Variants in GRB10 observed in about 807,000 individuals in gnomAD.
The protein encoded by GRB10 is growth factor receptor-bound protein 10.
Under a neutral mutation model 80.9 loss-of-function variants are expected in GRB10, and 20 were observed. That is an observed-to-expected ratio of 0.25 (90% CI 0.17 to 0.36). The LOEUF is 0.36. Among genes scored for constraint, GRB10 ranks in the 10% least tolerant of loss-of-function variants. The pLI is 1.00. For synonymous variants in GRB10, 291 were observed against 291.5 expected (o/e 1.00, Z 0.02); for missense variants, 548 against 747.7 (o/e 0.73, Z 3.12).
intron 7 of GRB10, among the ~76,000 whole-genome samples, chr7:50,659,909 A>G (rs888868150): frequency 3.3e-5 from 5 of 152,214 alleles, no homozygotes; most frequent in Non-Finnish European, 7.3e-5. Flanking sequence ...ACTGAAATGC[A>G]TTTCTGTCGT....
rs116488478 is a variant in GRB10, at chr7:50,623,488, C to T, written c.661+3334G>A. Among the ~76,000 whole-genome samples the T allele has an allele frequency of 7.9e-3, 1,207 of 152,268 alleles. 13 individuals carry two copies. Among genetic ancestry groups the T allele is most frequent in the African/African-American group, 0.021 (863 of 41,542 alleles). On this transcript the variant is annotated intron_variant, in intron 8 of 18. Coordinates refer to ENST00000401949, the MANE Select transcript of GRB10 (RefSeq NM_001350814.2). ...GCTTATCCACAAGCGCAGCACAGAG[C>T]GGGCAGGAAAAACCACCCTCAGCGA...
chr7:50,783,745 G>C (rs571765649), upstream of GRB10, among the ~76,000 whole-genome samples: 3 of 152,210 alleles, frequency 2.0e-5, no homozygotes, highest in Non-Finnish European at 4.4e-5. Context: ...ACAGTCAACA[G>C]TGGACAATGG....
intron 3 of GRB10, among the ~76,000 whole-genome samples, chr7:50,733,539 G>C (rs1259532868): frequency 6.6e-6 from 1 of 152,180 alleles, no homozygotes; most frequent in East Asian, 1.9e-4. Context: ...AGAACACTTT[G>C]CTGGGGCTGA....
chr7:50,718,701 G>A (rs140459445), intron 4 of GRB10, among the ~76,000 whole-genome samples: 65 of 152,228 alleles, frequency 4.3e-4, no homozygotes, highest in African/African-American at 1.5e-3. Flanking sequence ...TTAACACCCA[G>A]TTCACCAGGA....
chr7:50,752,637 C>A (rs898714378), intron 3 of GRB10, among the ~76,000 whole-genome samples: 3 of 152,170 alleles, frequency 2.0e-5, no homozygotes, highest in Non-Finnish European at 4.4e-5. Context: ...CAAGGGTGAG[C>A]AGGGCCATGA....
chr7:50,598,418 G>C (rs1479312292), intron 17 of GRB10, among the ~76,000 whole-genome samples: 1 of 152,130 alleles, frequency 6.6e-6, no homozygotes, highest in Non-Finnish European at 1.5e-5. Flanking sequence ...GCAAGAACCA[G>C]GTAAGTTCTT....
chr7:50,683,475 G>A (rs1006839291), intron 5 of GRB10, among the ~76,000 whole-genome samples: 10 of 152,336 alleles, frequency 6.6e-5, no homozygotes, highest in African/African-American at 1.9e-4. Context: ...AGTGGCTCAC[G>A]CCTGTAATCC....
intron 7 of GRB10, among the ~76,000 whole-genome samples, chr7:50,641,449 T>C (rs778903515): frequency 2.6e-5 from 4 of 152,118 alleles, no homozygotes; most frequent in Non-Finnish European, 5.9e-5. Context: ...AAGGGCATCC[T>C]AAAAGCCCTG....
Position 50,789,194 on chromosome 7 carries a change from G to A in GRB10, c.-294+4030C>T, listed in dbSNP as rs78997761. 1.3e-3 allele frequency among the ~76,000 whole-genome samples: 191 copies of A among 152,300 alleles called. 1 individual carries two copies. In the East Asian group the frequency reaches 0.023, roughly 18 times the overall value. ...CAGATAAATTCAAACAAGATTTTGTGCAACTAGCATGTACAAAGCACTGGA... is the reference window on the plus strand; with the variant it reads ...CAGATAAATTCAAACAAGATTTTGTACAACTAGCATGTACAAAGCACTGGA... On this transcript the variant is annotated intron_variant, in intron 1 of 16. Coordinates refer to the GRB10 transcript ENST00000335866.
At chr7:50,694,966 G>C (rs1303209051) in intron 5 of GRB10, among the ~76,000 whole-genome samples, 1 of 151,968 alleles carries the variant, frequency 6.6e-6, no homozygotes, top group East Asian at 1.9e-4. Flanking sequence ...CCCTCTCTCA[G>C]CTCCTAACCT....
At chr7:50,656,007 T>C (rs945696312) in intron 7 of GRB10, among the ~76,000 whole-genome samples, 5 of 152,234 alleles carry the variant, frequency 3.3e-5, no homozygotes, top group African/African-American at 9.6e-5. Context: ...CACTGGGTTA[T>C]GGGCTCCCAG....
At chr7:50,790,663 ACGATCC>A (rs1161992079) in intron 1 of GRB10, among the ~76,000 whole-genome samples, 1 of 152,240 alleles carries the variant, frequency 6.6e-6, no homozygotes. Context: ...AATACATTCT[ACGATCC>A]CGTAGGTTTC....
chr7:50,675,796 C>A (rs558917123), intron 5 of GRB10, among the ~76,000 whole-genome samples: 1 of 152,130 alleles, frequency 6.6e-6, no homozygotes, highest in Non-Finnish European at 1.5e-5. Context: ...AGGGCTACAA[C>A]CCAGCACATG....
intron 7 of GRB10, among the ~76,000 whole-genome samples, chr7:50,653,569 C>A (rs2058266308): frequency 6.6e-6 from 1 of 152,218 alleles, no homozygotes; most frequent in Non-Finnish European, 1.5e-5. Context: ...AACTGCCCTG[C>A]ATGTGTTCCA....
At chr7:50,719,401 A>C (rs911125721) in intron 4 of GRB10, among the ~76,000 whole-genome samples, 3 of 152,146 alleles carry the variant, frequency 2.0e-5, no homozygotes, top group African/African-American at 7.2e-5. Context: ...GGAAGCCATC[A>C]TTCTCAGCAA....
At chr7:50,666,607 C>G (rs780201810) in intron 7 of GRB10, among the ~76,000 whole-genome samples, 1 of 152,176 alleles carries the variant, frequency 6.6e-6, no homozygotes. Flanking sequence ...TGTCCCAGCA[C>G]GCGGGCCAGG....
chr7:50,625,437 C>A (rs566832855), intron 8 of GRB10, among the ~76,000 whole-genome samples: 2 of 152,024 alleles, frequency 1.3e-5, no homozygotes, highest in African/African-American at 4.8e-5. Context: ...GAGACACATG[C>A]TGAAGGTTTC....
At position 50,595,512 on chromosome 7, in the gene GRB10, G is replaced by T. The variant is rs1249659737; in HGVS notation, c.1563C>A (p.Asp521Glu). The change falls in exon 18 of 19, where the codon GAC becomes GAA. Residue 521 changes from aspartate to glutamate, a missense_variant. By Grantham distance (45) the Asp-to-Glu change is conservative. Transcript: ENST00000401949. Reference protein sequence around the residue: ...GLVDGLFLLRDSQSNPKAFVL... With the variant: ...GLVDGLFLLRESQSNPKAFVL... ...CAAATGCCTTTGGATTACTCTGGCT[G>T]TCACGGAGGAGAAAAAGCCTGGGGA... The T allele has an allele frequency of 6.2e-7, 1 of 1,609,042 alleles. No individual in the cohort carries two copies. Among genetic ancestry groups the T allele is most frequent in the Non-Finnish European group, 8.5e-7 (1 of 1,175,566 alleles).
chr7:50,624,407 C>G (rs954615773), intron 8 of GRB10, among the ~76,000 whole-genome samples: 1 of 152,216 alleles, frequency 6.6e-6, no homozygotes, highest in Non-Finnish European at 1.5e-5. Context: ...GAGAGGCACC[C>G]TGCAGCCCTG....
Sources: allele counts gnomAD v4.1 joint callset (sites outside exome capture counted in the v4.1 genomes callset), GRCh38; gene constraint gnomAD v4.1.1; transcripts MANE v1.5; gene names NCBI Gene and HGNC (gene_info 2026-07-23, HGNC 2026-07-21).